The following BCAS4 variants were observed in gnomAD, a reference collection of about 807,000 sequenced individuals.
BCAS4 encodes the protein breast carcinoma-amplified sequence 4.
A neutral mutation model predicts 15.7 loss-of-function variants in BCAS4; 9 were observed. The observed-to-expected ratio is 0.57, with a 90% CI of 0.34 to 1.00. BCAS4 has a LOEUF of 1.00. Among genes scored for constraint, BCAS4 ranks in the 50% least tolerant of loss-of-function variants. BCAS4 has a pLI of 0.02. For missense variants in BCAS4, 225 were observed against 239.1 expected (o/e 0.94, Z 0.39); for synonymous variants, 101 against 99.5 (o/e 1.02, Z -0.09).
At position 50,850,134 on chromosome 20, in the gene BCAS4, T is replaced by C. The variant is rs554340502; in HGVS notation, c.399+8234T>C. Among the ~76,000 whole-genome samples, 13 of 152,320 alleles carry C rather than the reference T, an allele frequency of 8.5e-5. No individual in the cohort carries two copies. The East Asian group carries it at 2.5e-3, about 29-fold the overall frequency. On this transcript the variant is annotated intron_variant, in intron 4 of 4. Transcript: ENST00000371608. Reference sequence around the variant, plus strand: ...CTTCTCCACTTTTATGCACCAGCCCTGGTTGGAACTCTTCAACTCTAAACA... The same window carrying C: ...CTTCTCCACTTTTATGCACCAGCCCCGGTTGGAACTCTTCAACTCTAAACA...
chr20:50,858,104 T>A (rs1978861842), intron 4 of BCAS4, among the ~76,000 whole-genome samples: 1 of 152,114 alleles, frequency 6.6e-6, no homozygotes, highest in South Asian at 2.1e-4. Flanking sequence ...CTCCACCCCA[T>A]CTTCATTCAT....
chr20:50,857,697 C>A (rs6020796), intron 4 of BCAS4, among the ~76,000 whole-genome samples: 47,346 of 151,992 alleles, frequency 0.31, 10,098 homozygotes, highest in African/African-American at 0.61. Context: ...ATTCGAGGTC[C>A]TCTGTGACCC....
intron 2 of BCAS4, among the ~76,000 whole-genome samples, chr20:50,824,031 A>T (rs2088248833): frequency 6.6e-6 from 1 of 152,220 alleles, no homozygotes; most frequent in Admixed American, 6.5e-5. Flanking sequence ...GCTATTTATT[A>T]AATGACTAAC....
intron 4 of BCAS4, among the ~76,000 whole-genome samples, chr20:50,861,666 G>T (rs143709934): frequency 6.6e-6 from 1 of 151,996 alleles, no homozygotes; most frequent in African/African-American, 2.4e-5. Context: ...CCCTTGGAGC[G>T]ACTACCCCAG....
At chr20:50,800,649 C>T (rs1203109152) in intron 1 of BCAS4, among the ~76,000 whole-genome samples, 1 of 150,974 alleles carries the variant, frequency 6.6e-6, no homozygotes, top group Admixed American at 6.6e-5. Flanking sequence ...GCAACCTCCG[C>T]CTCCTGGGTT....
intron 4 of BCAS4, among the ~76,000 whole-genome samples, chr20:50,843,913 G>T (rs1010808943): frequency 6.6e-6 from 1 of 152,170 alleles, no homozygotes; most frequent in Admixed American, 6.5e-5. Context: ...GGAGGCCAAG[G>T]CATGTGGATC....
intron 3 of BCAS4, among the ~76,000 whole-genome samples, chr20:50,837,952 TCCCACCCACCCACC>T (rs1176049919): frequency 2.0e-5 from 3 of 150,844 alleles, no homozygotes; most frequent in African/African-American, 7.3e-5. Context: ...CTGGCCCATT[TCCCACCCACCCACC>T]TCTACACACA....
chr20:50,826,575 A>G (rs2088279955), intron 2 of BCAS4, among the ~76,000 whole-genome samples: 1 of 152,210 alleles, frequency 6.6e-6, no homozygotes, highest in South Asian at 2.1e-4. Context: ...TTTTAAATAC[A>G]TTTTTAATTT....
intron 1 of BCAS4, among the ~76,000 whole-genome samples, chr20:50,799,795 C>T (rs112786146): frequency 0.015 from 2,326 of 152,308 alleles, 42 homozygotes; most frequent in Admixed American, 0.044. Flanking sequence ...GTGGCTCACG[C>T]CTGTAATCCT....
the BCAS4 span, chr20:50,882,620 C>CA: frequency 6.6e-6 from 1 of 151,964 alleles, no homozygotes; most frequent in Admixed American, 6.6e-5. Context: ...TTTGCCTATT[C>CA]AAAAAAATGG....
In BCAS4 at chr20:50,868,534, C is replaced by T. The variant is rs1349133679; in HGVS notation, c.400-7952C>T. Among the ~76,000 whole-genome samples, 9 of 152,188 alleles carry T rather than the reference C, an allele frequency of 5.9e-5. No homozygotes were observed. In the East Asian group the frequency reaches 1.5e-3, roughly 26 times the overall value. On this transcript the variant is annotated intron_variant, in intron 4 of 4. Transcript: ENST00000371608. ...ACCTCCAGGGCTCAAGCGATCCTCT[C>T]ACCTCGGCCTCCTGAGTAGCTGGGA... is the stretch of plus-strand genomic sequence containing the variant.
intron 1 of BCAS4, among the ~76,000 whole-genome samples, chr20:50,798,991 C>T (rs1026009168): frequency 1.3e-5 from 2 of 152,100 alleles, no homozygotes; most frequent in Admixed American, 1.3e-4. Context: ...GTGCGTTTTG[C>T]CAGGCAGGGT....
intron 3 of BCAS4, among the ~76,000 whole-genome samples, chr20:50,834,829 T>C (rs866904002): frequency 6.6e-5 from 10 of 152,330 alleles, no homozygotes; most frequent in South Asian, 2.1e-4. Context: ...GTGTTTGGCT[T>C]CTTTCACTTG....
At chr20:50,812,560 C>G (rs1198667916) in intron 1 of BCAS4, among the ~76,000 whole-genome samples, 2 of 151,928 alleles carry the variant, frequency 1.3e-5, no homozygotes, top group African/African-American at 4.8e-5. Context: ...GTGCCTCAGC[C>G]ACCCAAGTAG....
intron 4 of BCAS4, among the ~76,000 whole-genome samples, chr20:50,850,790 C>T (rs557919551): frequency 2.0e-5 from 3 of 152,288 alleles, no homozygotes; most frequent in Non-Finnish European, 2.9e-5. Context: ...GAGTCTCCCC[C>T]CCGGTAGAGC....
intron 2 of BCAS4, among the ~76,000 whole-genome samples, chr20:50,824,357 T>C (rs968942356): frequency 4.6e-5 from 7 of 152,244 alleles, no homozygotes; most frequent in African/African-American, 1.4e-4. Context: ...TGAATCATTC[T>C]GGACAGATGA....
chr20:50,822,167 C>A (rs2088223940), intron 2 of BCAS4, among the ~76,000 whole-genome samples: 1 of 152,088 alleles, frequency 6.6e-6, no homozygotes, highest in African/African-American at 2.4e-5. Context: ...GTAACTTGCC[C>A]CGTGCACGCT....
intron 1 of BCAS4, among the ~76,000 whole-genome samples, chr20:50,808,995 G>C (rs1044817427): frequency 6.6e-6 from 1 of 152,136 alleles, no homozygotes; most frequent in Non-Finnish European, 1.5e-5. Flanking sequence ...GATGCATCTT[G>C]AGTTGATTTT....
At chr20:50,868,330 A>G (rs1979459766) in intron 4 of BCAS4, among the ~76,000 whole-genome samples, 1 of 152,182 alleles carries the variant, frequency 6.6e-6, no homozygotes, top group Non-Finnish European at 1.5e-5. Context: ...CAGACAAACA[A>G]TTTGGAATTG....
Sources: allele counts gnomAD v4.1 joint callset (sites outside exome capture counted in the v4.1 genomes callset), GRCh38; gene constraint gnomAD v4.1.1; transcripts MANE v1.5; gene names NCBI Gene and HGNC (gene_info 2026-07-23, HGNC 2026-07-21).